Variants in MORC1 observed in about 807,000 individuals in gnomAD.
MORC1 encodes the protein MORC family CW-type zinc finger 1, also known as MORC family CW-type zinc finger protein 1.
MORC1 carries 59 observed loss-of-function variants against 134.9 expected under a neutral mutation model. The observed-to-expected ratio is 0.44, with a 90% CI of 0.35 to 0.54. MORC1 has a LOEUF of 0.54. Among genes scored for constraint, MORC1 ranks in the 20% least tolerant of loss-of-function variants. MORC1 has a pLI of 0.00. For missense variants in MORC1, 947 were observed against 1,134.5 expected, an observed-to-expected ratio of 0.83 and a Z score of 2.37; for synonymous variants, 395 against 391.7, an observed-to-expected ratio of 1.01 and a Z score of -0.10.
intron 14 of MORC1, among the ~76,000 whole-genome samples, chr3:109,051,015 C>T (rs1248442727): frequency 6.6e-6 from 1 of 152,158 alleles, no homozygotes; most frequent in Admixed American, 6.5e-5. Context: ...TTTCTCCCCA[C>T]TTTTTATTTA....
chr3:109,064,246 T>C (rs1296103088), intron 9 of MORC1, among the ~76,000 whole-genome samples: 1 of 152,186 alleles, frequency 6.6e-6, no homozygotes, highest in South Asian at 2.1e-4. Flanking sequence ...CTATAGCACA[T>C]AATGAATCAC....
intron 12 of MORC1, 87 bp downstream of exon 12, chr3:109,059,719 T>C (rs976055862): frequency 8.7e-6 from 10 of 1,151,228 alleles, no homozygotes; most frequent in Non-Finnish European, 1.2e-5. Context: ...ATTGTCACAA[T>C]AACCACTAAA....
rs774589897 is a variant in MORC1 at position 109,057,465 on chromosome 3, C to A, written c.1053G>T (p.Thr351=). 6.3e-7 allele frequency: 1 copy of A among 1,597,744 alleles called. No homozygotes were observed. Among genetic ancestry groups the A allele is most frequent in the South Asian group, 1.2e-5 (1 of 86,694 alleles). The change falls in exon 13 of 28, where the codon ACG becomes ACT. Residue 351 remains threonine (T), a synonymous_variant. Transcript: ENST00000232603. ...CGTTCACTCCATAGAACAGGGAGAG[C>A]GTTCTTGCTGTTTTTAATTCTCTAG... ...EKQRELKTAR[T]LSLFYGVNVE...
At chr3:109,068,896 C>A (rs1464608524) in intron 9 of MORC1, among the ~76,000 whole-genome samples, 1 of 152,204 alleles carries the variant, frequency 6.6e-6, no homozygotes, top group Non-Finnish European at 1.5e-5. Context: ...TGGCTCACGC[C>A]TGCAATCCCA....
intron 4 of MORC1, among the ~76,000 whole-genome samples, chr3:109,102,218 G>A (rs1950942751): frequency 6.6e-6 from 1 of 152,148 alleles, no homozygotes; most frequent in Non-Finnish European, 1.5e-5. Context: ...ACGATGAGGG[G>A]TCAGCCATGT....
At chr3:109,014,840 T>C (rs1282290563) in intron 17 of MORC1, among the ~76,000 whole-genome samples, 1 of 152,186 alleles carries the variant, frequency 6.6e-6, no homozygotes, top group African/African-American at 2.4e-5. Context: ...AAGATGTATG[T>C]CTCAACTACA....
intron 17 of MORC1, among the ~76,000 whole-genome samples, chr3:109,007,679 G>A (rs976524976): frequency 2.0e-5 from 3 of 152,100 alleles, no homozygotes; most frequent in African/African-American, 7.2e-5. Context: ...TATCTATCCT[G>A]AAGGTCTCCT....
intron 17 of MORC1, among the ~76,000 whole-genome samples, chr3:109,020,763 T>C (rs1948938979): frequency 1.9e-5 from 1 of 53,240 alleles, no homozygotes; most frequent in Non-Finnish European, 4.2e-5. Context: ...AGACTCTGTC[T>C]CAAAAAAAAA....
intron 17 of MORC1, among the ~76,000 whole-genome samples, chr3:109,018,058 G>A (rs960912643): frequency 6.6e-6 from 1 of 152,242 alleles, no homozygotes; most frequent in Non-Finnish European, 1.5e-5. Context: ...CAGACCAAGA[G>A]ATTCTTGTTT....
chr3:109,074,864 C>T (rs1950386931), intron 8 of MORC1, among the ~76,000 whole-genome samples: 1 of 152,124 alleles, frequency 6.6e-6, no homozygotes, highest in South Asian at 2.1e-4. Flanking sequence ...TGGTACTGTG[C>T]CTGTTCTATT....
At chr3:108,996,270 G>A (rs997635477) in intron 21 of MORC1, among the ~76,000 whole-genome samples, 19 of 81,668 alleles carry the variant, frequency 2.3e-4, no homozygotes, top group Non-Finnish European at 5.1e-4. Flanking sequence ...ACATGTGCGC[G>A]TGCGTGCGCG....
chr3:109,010,677 C>T (rs929153840), intron 17 of MORC1, among the ~76,000 whole-genome samples: 1 of 152,190 alleles, frequency 6.6e-6, no homozygotes. Context: ...CAACCCTGCC[C>T]CATCCCTAAC....
chr3:109,103,606 T>C (rs754939674), intron 4 of MORC1, among the ~76,000 whole-genome samples: 4 of 152,236 alleles, frequency 2.6e-5, no homozygotes, highest in South Asian at 2.1e-4. Flanking sequence ...TCAGTAACAT[T>C]TGCCTTTCAT....
At chr3:108,966,834 G>A (rs3804721) in intron 26 of MORC1, among the ~76,000 whole-genome samples, 54,919 of 151,900 alleles carry the variant, frequency 0.36, 10,691 homozygotes, top group Non-Finnish European at 0.43. Flanking sequence ...AAGTAAGTTG[G>A]AATAACTCTG....
chr3:109,062,138 C>T, intron 10 of MORC1, 80 bp from the exon 11 acceptor site: 1 of 1,275,556 alleles, frequency 7.8e-7, no homozygotes, highest in Admixed American at 1.7e-5. Context: ...ATACATGTAG[C>T]ATGACCAGTG....
chr3:109,081,857 G>T (rs1021460846), intron 8 of MORC1, among the ~76,000 whole-genome samples: 2 of 152,172 alleles, frequency 1.3e-5, no homozygotes, highest in Admixed American at 1.3e-4. Flanking sequence ...CAGAAAAAGT[G>T]AGAGCAAGGT....
chr3:109,083,030 C>T (rs1950550830), intron 8 of MORC1, among the ~76,000 whole-genome samples: 1 of 151,910 alleles, frequency 6.6e-6, no homozygotes, highest in Non-Finnish European at 1.5e-5. Flanking sequence ...CTAAAAGCAG[C>T]AAGAGGAAAG....
intron 14 of MORC1, 89 bp downstream of exon 14, chr3:109,054,639 T>C: frequency 8.3e-7 from 1 of 1,209,438 alleles, no homozygotes; most frequent in Non-Finnish European, 1.1e-6. Context: ...TTGCTGGTAA[T>C]CTGAATTCAG....
intron 24 of MORC1, among the ~76,000 whole-genome samples, chr3:108,973,450 T>C (rs1049834753): frequency 1.3e-5 from 2 of 152,076 alleles, no homozygotes; most frequent in African/African-American, 4.8e-5. Flanking sequence ...GATGGGGGCA[T>C]GTGAAGGAAG....
Sources: gnomAD v4.1 joint callset for allele counts (sites outside exome capture counted in the v4.1 genomes callset) on GRCh38, gnomAD v4.1.1 for gene constraint, MANE v1.5 for transcripts, NCBI Gene and HGNC (gene_info 2026-07-23, HGNC 2026-07-21) for gene names.